PAK5: variants seen among roughly 807,000 people sequenced by gnomAD.
PAK5 encodes the protein p21 (RAC1) activated kinase 5, also known as serine/threonine-protein kinase PAK 5.
PAK5 carries 16 observed loss-of-function variants against 65.9 expected under a neutral mutation model. That is an observed-to-expected ratio of 0.24 (90% confidence interval 0.16 to 0.37). PAK5 has a LOEUF of 0.37. Among genes scored for constraint, PAK5 ranks in the 10% least tolerant of loss-of-function variants. The pLI is 1.00. For missense variants in PAK5, 785 were observed against 903.9 expected, an observed-to-expected ratio of 0.87 and a Z score of 1.69; for synonymous variants, 371 against 354.9, an observed-to-expected ratio of 1.05 and a Z score of -0.51.
intron 3 of PAK5, among the ~76,000 whole-genome samples, chr20:9,617,568 T>TTTTTTG (rs2046682209): frequency 6.8e-6 from 1 of 146,056 alleles, no homozygotes; most frequent in Non-Finnish European, 1.5e-5. Flanking sequence ...TTTTTTTTTT[T>TTTTTTG]TTTTTGAAAT....
intron 1 of PAK5, among the ~76,000 whole-genome samples, chr20:9,742,804 T>C (rs1455786513): frequency 1.3e-5 from 2 of 152,120 alleles, no homozygotes; most frequent in Non-Finnish European, 2.9e-5. Flanking sequence ...AATTCACGTG[T>C]AGGAAAAAGA....
At chr20:9,726,495 T>C (rs1042089554) in intron 1 of PAK5, among the ~76,000 whole-genome samples, 2 of 152,188 alleles carry the variant, frequency 1.3e-5, no homozygotes, top group Non-Finnish European at 2.9e-5. Context: ...TTGTGTTCAA[T>C]AAACTGAAAT....
chr20:9,776,225 T>C (rs1261797340), intron 1 of PAK5, among the ~76,000 whole-genome samples: 1 of 152,178 alleles, frequency 6.6e-6, no homozygotes, highest in Admixed American at 6.5e-5. Flanking sequence ...AGTTCAGAAC[T>C]AGTAAAAGGT....
At chr20:9,826,200 T>TA (rs1491182166) in intron 1 of PAK5, among the ~76,000 whole-genome samples, 2 of 144,938 alleles carry the variant, frequency 1.4e-5, no homozygotes, top group African/African-American at 5.3e-5. Context: ...GAAATCTAGA[T>TA]TTTTTTTTTT....
At chr20:9,575,054 G>A (rs1347901509) in intron 4 of PAK5, among the ~76,000 whole-genome samples, 1 of 152,182 alleles carries the variant, frequency 6.6e-6, no homozygotes, top group Non-Finnish European at 1.5e-5. Context: ...TTATTGATGC[G>A]GGAAGACTGG....
At chr20:9,713,517 A>G (rs962814732) in intron 1 of PAK5, among the ~76,000 whole-genome samples, 10 of 152,126 alleles carry the variant, frequency 6.6e-5, no homozygotes, top group Non-Finnish European at 1.0e-4. Context: ...TGCTGAGTAT[A>G]TATCAACAGA....
At chr20:9,785,753 A>G (rs1320572408) in intron 1 of PAK5, among the ~76,000 whole-genome samples, 4 of 152,184 alleles carry the variant, frequency 2.6e-5, no homozygotes, top group East Asian at 1.9e-4. Flanking sequence ...CAAAACTTTG[A>G]TTAATTTCAT....
chr20:9,819,265 A>C (rs1317621280), intron 1 of PAK5, among the ~76,000 whole-genome samples: 1 of 152,212 alleles, frequency 6.6e-6, no homozygotes, highest in East Asian at 1.9e-4. Flanking sequence ...TCAGTAAACC[A>C]ACACAAATCT....
At chr20:9,677,901 T>C (rs921811996) in intron 2 of PAK5, among the ~76,000 whole-genome samples, 7 of 152,246 alleles carry the variant, frequency 4.6e-5, no homozygotes, top group Non-Finnish European at 8.8e-5. Context: ...TCTTGTTATT[T>C]AATGTGTTAA....
chr20:9,744,591 T>A (rs967197417), intron 1 of PAK5, among the ~76,000 whole-genome samples: 1 of 152,170 alleles, frequency 6.6e-6, no homozygotes, highest in Admixed American at 6.5e-5. Flanking sequence ...TGGGGGATTG[T>A]GGATTGAATA....
intron 1 of PAK5, among the ~76,000 whole-genome samples, chr20:9,835,918 T>A (rs1008383056): frequency 1.3e-5 from 2 of 152,226 alleles, no homozygotes; most frequent in South Asian, 4.1e-4. Flanking sequence ...TGCATTTTGG[T>A]TTTTTTGCAT....
chr20:9,718,595 A>G (rs940546960), intron 1 of PAK5, among the ~76,000 whole-genome samples: 1 of 152,198 alleles, frequency 6.6e-6, no homozygotes, highest in African/African-American at 2.4e-5. Context: ...AAGATGCTAG[A>G]TCCCATTAGA....
At chr20:9,561,298 G>C (rs1334655154) in intron 6 of PAK5, among the ~76,000 whole-genome samples, 1 of 152,148 alleles carries the variant, frequency 6.6e-6, no homozygotes, top group African/African-American at 2.4e-5. Flanking sequence ...GGTAGAGCTG[G>C]AGACCTGAGT....
intron 3 of PAK5, among the ~76,000 whole-genome samples, chr20:9,616,960 G>A (rs964362708): frequency 2.0e-5 from 3 of 152,042 alleles, no homozygotes; most frequent in African/African-American, 2.4e-5. Context: ...ACAAAAATAC[G>A]GATAATTGCA....
chr20:9,628,188 A>C (rs2123216021), intron 3 of PAK5, among the ~76,000 whole-genome samples: 1 of 152,328 alleles, frequency 6.6e-6, no homozygotes, highest in Admixed American at 6.5e-5. Flanking sequence ...TAAGCTATTC[A>C]ATCCTTACTC....
At chr20:9,652,383 C>A (rs1885564) in intron 2 of PAK5, among the ~76,000 whole-genome samples, 135,110 of 152,212 alleles carry the variant, frequency 0.89, 60,457 homozygotes, top group East Asian at 1. Context: ...ATAGGAAAAT[C>A]TAAAAATCTT....
chr20:9,644,291 C>A lies in PAK5; in HGVS notation c.38G>T (p.Gly13Val). Residue 13 changes from glycine to valine, a missense_variant, in exon 3 of 10, where the codon GGC (glycine) becomes GTC (valine). Physicochemically the swap from Gly to Val is moderately radical, Grantham distance 109. Transcript: ENST00000353224. ...GKKKKKIEIS[G>V]PSNFEHRVHT... is the part of the protein sequence containing the mutation. ...AACCCTGTGTTCAAAGTTGGACGGG[C>A]CAGATATTTCAATCTTTTTCTTTTT... 1.2e-6 allele frequency: 2 copies of A among 1,607,944 alleles called. No individual in the cohort carries two copies. Among genetic ancestry groups the A allele is most frequent in the East Asian group, 2.2e-5 (1 of 44,752 alleles).
chr20:9,815,848 C>T (rs2049350905), intron 1 of PAK5, among the ~76,000 whole-genome samples: 1 of 152,160 alleles, frequency 6.6e-6, no homozygotes, highest in African/African-American at 2.4e-5. Flanking sequence ...CAGACTGTCA[C>T]ATAACTCAAA....
At chr20:9,548,865 A>G (rs151333468) in intron 7 of PAK5, among the ~76,000 whole-genome samples, 94 of 152,324 alleles carry the variant, frequency 6.2e-4, no homozygotes, top group African/African-American at 2.1e-3. Context: ...TATTCTCACT[A>G]ATTGGCTTAA....
Sources: gnomAD v4.1 joint callset for allele counts (sites outside exome capture counted in the v4.1 genomes callset) on GRCh38, gnomAD v4.1.1 for gene constraint, MANE v1.5 for transcripts, NCBI Gene and HGNC (gene_info 2026-07-23, HGNC 2026-07-21) for gene names.